RNGTT: variants seen among roughly 807,000 people sequenced by gnomAD.
RNGTT encodes mRNA-capping enzyme.
A neutral mutation model predicts 79.3 loss-of-function variants in RNGTT; 33 were observed. The ratio of observed to expected loss-of-function variants is 0.42; its 90% confidence interval spans 0.32 to 0.56. The LOEUF (loss-of-function observed/expected upper bound fraction) is 0.56. Among genes scored for constraint, RNGTT ranks in the 20% least tolerant of loss-of-function variants. The pLI is 0.17. For missense variants in RNGTT, 497 were observed against 739.1 expected, an observed-to-expected ratio of 0.67 and a Z score of 3.80; for synonymous variants, 222 against 235.9, an observed-to-expected ratio of 0.94 and a Z score of 0.54.
intron 14 of RNGTT, among the ~76,000 whole-genome samples, chr6:88,651,048 A>G (rs1773776433): frequency 6.6e-6 from 1 of 152,086 alleles, no homozygotes. Flanking sequence ...ACATGACTAA[A>G]TGAGCAGCAG....
At chr6:88,821,887 A>C (rs900701912) in intron 11 of RNGTT, among the ~76,000 whole-genome samples, 2 of 152,000 alleles carry the variant, frequency 1.3e-5, no homozygotes, top group African/African-American at 4.8e-5. Context: ...CCACTAAAAA[A>C]AAAAAACCAG....
rs547768746 is a variant in RNGTT at position 88,825,732 on chromosome 6, C to T, written c.1269+18625G>A. 4.6e-5 allele frequency among the ~76,000 whole-genome samples: 7 copies of T among 152,304 alleles called. No homozygotes were observed. The South Asian group carries it at 1.2e-3, about 27-fold the overall frequency. On this transcript the variant is annotated intron_variant, in intron 11 of 15. Coordinates refer to ENST00000369485, the MANE Select transcript of RNGTT (RefSeq NM_003800.5). Reference sequence around the variant, plus strand: ...ATTGGTCTTCTACTGAAATAGTTCACTATTAGAGCTTTTCAGCTATCACTA... The same window carrying T: ...ATTGGTCTTCTACTGAAATAGTTCATTATTAGAGCTTTTCAGCTATCACTA...
chr6:88,679,881 C>T (rs1775024148), intron 13 of RNGTT, among the ~76,000 whole-genome samples: 1 of 152,178 alleles, frequency 6.6e-6, no homozygotes, highest in African/African-American at 2.4e-5. Context: ...AACACGATTA[C>T]ACATAAAGAA....
At chr6:88,854,039 C>T (rs1198022306) in intron 8 of RNGTT, among the ~76,000 whole-genome samples, 2 of 151,920 alleles carry the variant, frequency 1.3e-5, no homozygotes, top group African/African-American at 4.8e-5. Context: ...ATTCTTGTGC[C>T]TCAGCCTCCA....
At chr6:88,745,466 G>A (rs1474777015) in intron 13 of RNGTT, among the ~76,000 whole-genome samples, 9 of 152,116 alleles carry the variant, frequency 5.9e-5, no homozygotes, top group Admixed American at 5.9e-4. Context: ...TCAGCAAAGG[G>A]AAAAGACACA....
chr6:88,715,015 A>T (rs1776458213), intron 13 of RNGTT, among the ~76,000 whole-genome samples: 1 of 152,202 alleles, frequency 6.6e-6, no homozygotes, highest in Admixed American at 6.5e-5. Flanking sequence ...GGAAAAGAAG[A>T]AGTCAAATTG....
chr6:88,867,341 G>C (rs1286715823), intron 8 of RNGTT, among the ~76,000 whole-genome samples: 2 of 152,002 alleles, frequency 1.3e-5, no homozygotes, highest in African/African-American at 2.4e-5. Flanking sequence ...AAATTAGCTA[G>C]GCATGGTGGC....
intron 14 of RNGTT, among the ~76,000 whole-genome samples, chr6:88,647,005 A>G (rs1169469452): frequency 6.6e-6 from 1 of 152,088 alleles, no homozygotes; most frequent in Non-Finnish European, 1.5e-5. Context: ...CATGTACCCT[A>G]GAACTTAAAG....
chr6:88,761,833 A>G (rs1281267112), intron 13 of RNGTT, among the ~76,000 whole-genome samples: 1 of 152,136 alleles, frequency 6.6e-6, no homozygotes, highest in East Asian at 1.9e-4. Context: ...TAAATCTTCC[A>G]ACAGTTTTTC....
chr6:88,761,627 C>G (rs1189917722), intron 13 of RNGTT, among the ~76,000 whole-genome samples: 6 of 152,174 alleles, frequency 3.9e-5, no homozygotes, highest in African/African-American at 1.4e-4. Context: ...CTATAGTCTA[C>G]AGGCCACATC....
chr6:88,845,482 C>A (rs1017463308), intron 10 of RNGTT, among the ~76,000 whole-genome samples: 1 of 152,216 alleles, frequency 6.6e-6, no homozygotes, highest in Non-Finnish European at 1.5e-5. Flanking sequence ...CAGTAACCAT[C>A]CAGATTAGTA....
intron 13 of RNGTT, among the ~76,000 whole-genome samples, chr6:88,723,184 A>T (rs1776762913): frequency 6.6e-6 from 1 of 152,140 alleles, no homozygotes; most frequent in Non-Finnish European, 1.5e-5. Context: ...TCCAAACCAA[A>T]CATGATGTGG....
intron 8 of RNGTT, among the ~76,000 whole-genome samples, chr6:88,871,533 T>G (rs1382494211): frequency 6.6e-6 from 1 of 152,194 alleles, no homozygotes; most frequent in Admixed American, 6.5e-5. Context: ...TGTCACCTCT[T>G]GGGCTAGATT....
At chr6:88,675,777 G>A (rs1192456366) in intron 14 of RNGTT, among the ~76,000 whole-genome samples, 1 of 150,632 alleles carries the variant, frequency 6.6e-6, no homozygotes, top group Non-Finnish European at 1.5e-5. Flanking sequence ...ATTAAATCCT[G>A]CCCAAGTGTC....
intron 1 of RNGTT, among the ~76,000 whole-genome samples, chr6:88,951,591 C>A (rs12193375): frequency 7.9e-5 from 12 of 152,148 alleles, no homozygotes; most frequent in Non-Finnish European, 1.5e-4. Context: ...ACCATGAGCT[C>A]CCAAAGTGTG....
At chr6:88,796,227 T>C (rs1779596672) in intron 12 of RNGTT, among the ~76,000 whole-genome samples, 1 of 152,234 alleles carries the variant, frequency 6.6e-6, no homozygotes, top group Non-Finnish European at 1.5e-5. Flanking sequence ...ACCACTTTTT[T>C]TCTTAATGTG....
intron 13 of RNGTT, among the ~76,000 whole-genome samples, chr6:88,684,663 C>CA (rs149390946): frequency 0.025 from 3,761 of 151,764 alleles, 140 homozygotes; most frequent in African/African-American, 0.086. Context: ...CTGAGAAAGG[C>CA]AAAAGGATTT....
At chr6:88,614,036 C>A (rs1246320254) in intron 15 of RNGTT, among the ~76,000 whole-genome samples, 2 of 152,174 alleles carry the variant, frequency 1.3e-5, no homozygotes, top group African/African-American at 4.8e-5. Flanking sequence ...CAGTATCCTG[C>A]CCTTTAAACT....
intron 14 of RNGTT, among the ~76,000 whole-genome samples, chr6:88,632,544 G>GACACACACACACACACACAC (rs55920605): frequency 2.3e-5 from 3 of 132,928 alleles, no homozygotes; most frequent in South Asian, 2.4e-4. Context: ...CAGACACACA[G>GACACACACACACACACACAC]ACACACACAC....
Sources: gnomAD v4.1 joint callset for allele counts (sites outside exome capture counted in the v4.1 genomes callset) on GRCh38, gnomAD v4.1.1 for gene constraint, MANE v1.5 for transcripts, NCBI Gene and HGNC (gene_info 2026-07-23, HGNC 2026-07-21) for gene names.